Variants in NEURL1 observed in about 807,000 individuals in gnomAD.
NEURL1 encodes the protein neuralized E3 ubiquitin protein ligase 1, also known as E3 ubiquitin-protein ligase NEURL1.
A neutral mutation model predicts 41.2 loss-of-function variants in NEURL1; 26 were observed. The observed-to-expected ratio is 0.63, with a 90% CI of 0.46 to 0.87. The LOEUF is 0.87. NEURL1 is among the 40% of genes least tolerant of loss of function. The pLI, the probability that NEURL1 is intolerant of heterozygous loss-of-function variation, is 0.00. For synonymous variants in NEURL1, 400 were observed against 402.3 expected, an observed-to-expected ratio of 0.99 and a Z score of 0.07; for missense variants, 761 against 871.1, an observed-to-expected ratio of 0.87 and a Z score of 1.59.
intron 1 of NEURL1, among the ~76,000 whole-genome samples, chr10:103,504,588 C>T (rs1048023365): frequency 6.6e-6 from 1 of 152,182 alleles, no homozygotes; most frequent in African/African-American, 2.4e-5. Flanking sequence ...TGTCAGGTCT[C>T]TCCATTGTGC....
chr10:103,554,052 T>C (rs1001573946), intron 1 of NEURL1, among the ~76,000 whole-genome samples: 1 of 152,242 alleles, frequency 6.6e-6, no homozygotes, highest in Non-Finnish European at 1.5e-5. Context: ...AAAACAGATA[T>C]CATCATAGCC....
intron 4 of NEURL1, among the ~76,000 whole-genome samples, chr10:103,585,832 CAAA>C (rs764619225): frequency 1.6e-4 from 15 of 91,502 alleles, no homozygotes; most frequent in Admixed American, 2.2e-4. Context: ...GACTCCGTCT[CAAA>C]AAAAAAAAAA....
At chr10:103,520,246 T>TTG (rs1464558057) in intron 1 of NEURL1, among the ~76,000 whole-genome samples, 1 of 152,110 alleles carries the variant, frequency 6.6e-6, no homozygotes, top group Non-Finnish European at 1.5e-5. Flanking sequence ...CAAACAGGCT[T>TTG]TGTGTGAGCA....
At chr10:103,507,105 A>G (rs2033965317) in intron 1 of NEURL1, among the ~76,000 whole-genome samples, 1 of 152,166 alleles carries the variant, frequency 6.6e-6, no homozygotes, top group South Asian at 2.1e-4. Flanking sequence ...AGAGTGGGAA[A>G]GTGACCTGCC....
rs559139874 is a variant in NEURL1 at position 103,495,163 on chromosome 10, A to G, written c.85+691A>G. 3.9e-5 allele frequency among the ~76,000 whole-genome samples: 6 copies of G among 152,274 alleles called. No individual in the cohort carries two copies. In the South Asian group the frequency reaches 1.2e-3, roughly 32 times the overall value. ...GCACCCTCAGGGTGGCCCTAGGCCC[A>G]GTCTCCCCATTCGGAGCCTGCCATT... On this transcript the variant is annotated intron_variant, in intron 1 of 5. Coordinates refer to ENST00000369780, the MANE Select transcript of NEURL1 (RefSeq NM_004210.5).
intron 1 of NEURL1, among the ~76,000 whole-genome samples, chr10:103,503,652 G>A (rs1482358416): frequency 6.6e-6 from 1 of 152,172 alleles, no homozygotes; most frequent in Non-Finnish European, 1.5e-5. Context: ...AATGCAATAG[G>A]TGAGTGCTCA....
At chr10:103,535,906 A>G (rs1002195086) in intron 1 of NEURL1, among the ~76,000 whole-genome samples, 4 of 152,280 alleles carry the variant, frequency 2.6e-5, no homozygotes, top group South Asian at 4.1e-4. Flanking sequence ...TGTTGTTCCA[A>G]TTCCAAGATG....
chr10:103,523,695 CTATT>C (rs2034403175), intron 1 of NEURL1, among the ~76,000 whole-genome samples: 1 of 151,928 alleles, frequency 6.6e-6, no homozygotes, highest in Non-Finnish European at 1.5e-5. Context: ...AGAACATTTG[CTATT>C]TATCTTTCTG....
chr10:103,519,251 A>AAAAGAAAG (rs149479157), intron 1 of NEURL1, among the ~76,000 whole-genome samples: 6 of 151,994 alleles, frequency 3.9e-5, no homozygotes, highest in African/African-American at 1.5e-4. Context: ...TGTCTCAAAA[A>AAAAGAAAG]AAAGAAAGAA....
At chr10:103,584,137 T>C (rs2133884504) in intron 3 of NEURL1, among the ~76,000 whole-genome samples, 1 of 152,252 alleles carries the variant, frequency 6.6e-6, no homozygotes, top group South Asian at 2.1e-4. Flanking sequence ...CGACAGACGG[T>C]TACTGTTTGT....
intron 1 of NEURL1, among the ~76,000 whole-genome samples, chr10:103,495,277 G>A (rs1016854838): frequency 6.6e-6 from 1 of 152,162 alleles, no homozygotes; most frequent in East Asian, 1.9e-4. Flanking sequence ...AATTCCTTCC[G>A]GAAGGTGCTT....
rs1464758962 is a variant in NEURL1, at chr10:103,578,713, A to G, written c.650-5823A>G. Among the ~76,000 whole-genome samples the G allele has an allele frequency of 2.6e-5, 4 of 152,206 alleles. No individual in the cohort carries two copies. In the East Asian group the frequency reaches 7.7e-4, roughly 29 times the overall value. On this transcript the variant is annotated intron_variant, in intron 3 of 5. Transcript: ENST00000369780. The stretch of plus-strand genomic sequence containing the variant: ...AGGATGTTCTGCCCTTCCCTCTGTG[A>G]GCCCCAGAAAGCATGTTTGTTTCTC...
Position 103,516,869 on chromosome 10 carries a change from T to TCCTC in NEURL1, c.85+22414_85+22417dup, listed in dbSNP as rs1178443348. 1.1e-4 allele frequency among the ~76,000 whole-genome samples: 17 copies of TCCTC among 152,000 alleles called. No individual in the cohort carries two copies. In the South Asian group the frequency reaches 2.1e-3, roughly 19 times the overall value. ...CCTTTCTCCTTTCTCCTTTCTTCCT[T>TCCTC]CCTCCCTCCCTCCCTCCCTCTCTTC... On this transcript the variant is annotated intron_variant, in intron 1 of 5. Coordinates refer to ENST00000369780, the MANE Select transcript of NEURL1 (RefSeq NM_004210.5).
intron 1 of NEURL1, among the ~76,000 whole-genome samples, chr10:103,536,315 G>A (rs1215997050): frequency 4.6e-5 from 7 of 152,228 alleles, no homozygotes; most frequent in Admixed American, 6.5e-5. Context: ...AGGCTGAGGC[G>A]GGTGGATCAC....
intron 1 of NEURL1, among the ~76,000 whole-genome samples, chr10:103,531,479 A>G (rs934339924): frequency 1.3e-5 from 2 of 151,504 alleles, no homozygotes; most frequent in East Asian, 1.9e-4. Context: ...GCCTCAAGCT[A>G]CCCTCCTGCT....
chr10:103,499,193 C>CAGTCTCTT (rs2133842871), intron 1 of NEURL1, among the ~76,000 whole-genome samples: 1 of 152,266 alleles, frequency 6.6e-6, no homozygotes, highest in African/African-American at 2.4e-5. Flanking sequence ...CTGTTGTTTT[C>CAGTCTCTT]AGTCTCTTTT....
chr10:103,497,983 G>A (rs1002037233), intron 1 of NEURL1, among the ~76,000 whole-genome samples: 1 of 152,186 alleles, frequency 6.6e-6, no homozygotes, highest in Non-Finnish European at 1.5e-5. Context: ...CAGAGTCCTA[G>A]GGTGTGGAAG....
intron 1 of NEURL1, among the ~76,000 whole-genome samples, chr10:103,546,051 C>T (rs1200214285): frequency 1.3e-5 from 2 of 152,196 alleles, no homozygotes; most frequent in South Asian, 2.1e-4. Context: ...TCAGCTAGGC[C>T]AGGTGCAGGA....
chr10:103,560,050 C>A (rs2035257897), intron 1 of NEURL1, among the ~76,000 whole-genome samples: 1 of 152,052 alleles, frequency 6.6e-6, no homozygotes, highest in African/African-American at 2.4e-5. Flanking sequence ...AACACACGCA[C>A]ACACACATAC....
Sources: gnomAD v4.1 joint callset for allele counts (sites outside exome capture counted in the v4.1 genomes callset) on GRCh38, gnomAD v4.1.1 for gene constraint, MANE v1.5 for transcripts, NCBI Gene and HGNC (gene_info 2026-07-23, HGNC 2026-07-21) for gene names.